Variants in TOP1 observed in about 807,000 individuals in gnomAD.
TOP1 encodes DNA topoisomerase I.
In TOP1, 10 loss-of-function variants were observed where a neutral mutation model predicts 111.1. The ratio of observed to expected loss-of-function variants is 0.09; its 90% confidence interval spans 0.06 to 0.15. The LOEUF (loss-of-function observed/expected upper bound fraction) is 0.15. TOP1 is among the 10% of genes least tolerant of loss of function. TOP1 has a pLI of 1.00. For synonymous variants in TOP1, 271 were observed against 302.9 expected (o/e 0.89, Z 1.10); for missense variants, 474 against 926.7 (o/e 0.51, Z 6.34).
rs118161407 is a variant in TOP1, at chr20:41,112,541, C to G, written c.1309-241C>G. 0.03 allele frequency among the ~76,000 whole-genome samples: 4,504 copies of G among 152,290 alleles called. 92 individuals carry two copies. The highest frequency in any genetic ancestry group is 0.046 in the Non-Finnish European group (3,151 of 68,016). On this transcript the variant is annotated intron_variant, in intron 13 of 20. Transcript: ENST00000361337. The surrounding 1 kb of genome is among the most constrained non-coding windows in gnomAD (Gnocchi z 5.8). ...TCAGTACTATTCTTTTTTACGTTTG[C>G]TTAAGGTCAAGTTCCTGCTCTTTTG...
At chr20:41,096,560 A>G (rs1600586755) in intron 9 of TOP1, among the ~76,000 whole-genome samples, 1 of 152,200 alleles carries the variant, frequency 6.6e-6, no homozygotes, top group East Asian at 1.9e-4. Context: ...CAGTAGGTCT[A>G]GGAGGGGGCC....
intron 4 of TOP1, among the ~76,000 whole-genome samples, chr20:41,076,555 AAATT>A (rs1362200530): frequency 6.6e-6 from 1 of 152,182 alleles, no homozygotes; most frequent in Non-Finnish European, 1.5e-5. Context: ...GCATTAGGGA[AAATT>A]AATTGTTTTT....
chr20:41,098,114 G>C lies in TOP1; in HGVS notation c.853-101G>C. The C allele has an allele frequency of 7.9e-7, 1 of 1,259,832 alleles. No homozygotes were observed. The highest frequency in any genetic ancestry group is 1.1e-6 in the Non-Finnish European group (1 of 879,372). 78.0% of individuals were successfully genotyped at this position (1,259,832 alleles called of 1,614,324 possible). ...AGATTGGCTACTTCCAGAAACCTTT[G>C]ACTGAAAAAATGGTGCTTGGGTGTA... On this transcript the variant is annotated intron_variant, in intron 10 of 20. Transcript: ENST00000361337. This position sits in a 1 kb window ranked among gnomAD's most constrained non-coding sequence, Gnocchi z 5.7.
Position 41,100,430 on chromosome 20 carries a change from A to ATGTT in TOP1, c.1163+188_1163+191dup, listed in dbSNP as rs762672949. The stretch of plus-strand genomic sequence containing the variant: ...TTGTCTCCCCTCATCCACAGGGGAT[A>ATGTT]TGTTCCAAGACCCCCAGTGGATGCC... On this transcript the variant is annotated intron_variant, in intron 12 of 20. Coordinates refer to ENST00000361337, the MANE Select transcript of TOP1 (RefSeq NM_003286.4). This position sits in a 1 kb window ranked among gnomAD's most constrained non-coding sequence, Gnocchi z 4.4. Among the ~76,000 whole-genome samples the ATGTT allele has an allele frequency of 2.0e-5, 3 of 152,158 alleles. No homozygotes were observed. The highest frequency in any genetic ancestry group is 4.4e-5 in the Non-Finnish European group (3 of 68,020).
In TOP1 at chr20:41,092,554, C is replaced by T. The variant is rs776071683; in HGVS notation, c.697C>T (p.Pro233Ser). The T allele has an allele frequency of 1.3e-6, 2 of 1,598,768 alleles. No individual in the cohort carries two copies. Among genetic ancestry groups the T allele is most frequent in the South Asian group, 2.2e-5 (2 of 89,210 alleles). The change falls in exon 9 of 21, where the codon CCT (proline) becomes TCT (serine). Residue 233 changes from proline to serine, a missense_variant. By Grantham distance (74) the Pro-to-Ser change is moderately conservative. Coordinates refer to ENST00000361337, the MANE Select transcript of TOP1 (RefSeq NM_003286.4). This position sits in a 1 kb window ranked among gnomAD's most constrained non-coding sequence, Gnocchi z 4.3. Reference protein sequence around the residue: ...KGPVFAPPYEPLPENVKFYYD... With the variant: ...KGPVFAPPYESLPENVKFYYD... ...TCCAGTATTTGCCCCACCATATGAGCCTCTTCCAGAGAATGTCAAGTTTTA... is the reference window on the plus strand; with the variant it reads ...TCCAGTATTTGCCCCACCATATGAGTCTCTTCCAGAGAATGTCAAGTTTTA...
chr20:41,050,053 T>C (rs1299198047), intron 2 of TOP1, among the ~76,000 whole-genome samples: 1 of 152,246 alleles, frequency 6.6e-6, no homozygotes, highest in African/African-American at 2.4e-5. Flanking sequence ...GTTTCACTCT[T>C]GTTGCTTAGG....
chr20:41,062,949 G>A (rs1342523851), intron 3 of TOP1, among the ~76,000 whole-genome samples: 1 of 151,876 alleles, frequency 6.6e-6, no homozygotes, highest in Non-Finnish European at 1.5e-5. Context: ...TTTTTTTCAG[G>A]TTTTATTTTA....
At position 41,118,027 on chromosome 20, in the gene TOP1, C is replaced by T; in HGVS notation, c.1823-142C>T. On this transcript the variant is annotated intron_variant, in intron 17 of 20. Transcript: ENST00000361337. The surrounding 1 kb of genome is among the most constrained non-coding windows in gnomAD (Gnocchi z 4.6). ...GTTGACTCAAATTTTGACCTTAGTC[C>T]TTGGGGGCAATTTGAATTAATCATC... 1 of 921,756 alleles carries T rather than the reference C, an allele frequency of 1.1e-6. No individual in the cohort carries two copies. The highest frequency in any genetic ancestry group is 1.6e-6 in the Non-Finnish European group (1 of 635,360). 57.1% of individuals were successfully genotyped at this position (921,756 alleles called of 1,614,324 possible).
In TOP1 at chr20:41,121,452, C is replaced by G. The variant is rs2034421314; in HGVS notation, c.1951-244C>G. Among the ~76,000 whole-genome samples the G allele has an allele frequency of 6.6e-6, 1 of 152,238 alleles. No individual in the cohort carries two copies. Among genetic ancestry groups the G allele is most frequent in the African/African-American group, 2.4e-5 (1 of 41,464 alleles). ...TCCCAGCCCCAGCGGGTTCCTTTCC[C>G]TGAGCCCCTAGGTTACTGCCCTGTA... On this transcript the variant is annotated intron_variant, in intron 18 of 20. Transcript: ENST00000361337. This position sits in a 1 kb window ranked among gnomAD's most constrained non-coding sequence, Gnocchi z 4.2.
At chr20:41,036,976 G>A (rs904352532) in intron 2 of TOP1, among the ~76,000 whole-genome samples, 1 of 151,886 alleles carries the variant, frequency 6.6e-6, no homozygotes, top group Non-Finnish European at 1.5e-5. Context: ...GACTACAGGC[G>A]CCCGCCACCA....
chr20:41,101,084 C>T lies in TOP1; in HGVS notation c.1164-125C>T. The T allele has an allele frequency of 1.1e-6, 1 of 934,978 alleles. No individual in the cohort carries two copies. Among genetic ancestry groups the T allele is most frequent in the East Asian group, 2.4e-5 (1 of 40,972 alleles). 57.9% of individuals were successfully genotyped at this position (934,978 alleles called of 1,614,324 possible). ...TAAAACCATGCATAAGGTGGGACTA[C>T]TGTATTGACTGTTAAGAAGGAAACT... On this transcript the variant is annotated intron_variant, in intron 12 of 20. Transcript: ENST00000361337. This position sits in a 1 kb window ranked among gnomAD's most constrained non-coding sequence, Gnocchi z 4.1.
At chr20:41,075,345 G>C (rs904994483) in intron 3 of TOP1, among the ~76,000 whole-genome samples, 2 of 152,094 alleles carry the variant, frequency 1.3e-5, no homozygotes, top group Non-Finnish European at 2.9e-5. Context: ...CTAATTTTTT[G>C]TATTTTTAGT....
In TOP1 at chr20:41,080,987, C is replaced by T. The variant is rs1268120067; in HGVS notation, c.432-178C>T. Reference sequence around the variant, plus strand: ...TCTATATAGGGCTATAACTATTACTCTTTGGTCTGACCTTCATTATTTTCT... The same window carrying T: ...TCTATATAGGGCTATAACTATTACTTTTTGGTCTGACCTTCATTATTTTCT... On this transcript the variant is annotated intron_variant, in intron 6 of 20. Coordinates refer to ENST00000361337, the MANE Select transcript of TOP1 (RefSeq NM_003286.4). This position sits in a 1 kb window ranked among gnomAD's most constrained non-coding sequence, Gnocchi z 5.0. Among the ~76,000 whole-genome samples the T allele has an allele frequency of 6.6e-6, 1 of 151,986 alleles. No homozygotes were observed.
At position 41,112,587 on chromosome 20, in the gene TOP1, C is replaced by G. The variant is rs1203284110; in HGVS notation, c.1309-195C>G. On this transcript the variant is annotated intron_variant, in intron 13 of 20. Coordinates refer to ENST00000361337, the MANE Select transcript of TOP1 (RefSeq NM_003286.4). This position sits in a 1 kb window ranked among gnomAD's most constrained non-coding sequence, Gnocchi z 5.8. Reference sequence around the variant, plus strand: ...TTTTGTTCAAAGTCTTGCTTTGTCACCCATGGTGGAGTGCAGTGGCGTGAT... The same window carrying G: ...TTTTGTTCAAAGTCTTGCTTTGTCAGCCATGGTGGAGTGCAGTGGCGTGAT... 6.6e-6 allele frequency among the ~76,000 whole-genome samples: 1 copy of G among 152,240 alleles called. No homozygotes were observed. The highest frequency in any genetic ancestry group is 1.5e-5 in the Non-Finnish European group (1 of 68,040).
At chr20:41,033,873 C>G (rs1815443552) in intron 2 of TOP1, among the ~76,000 whole-genome samples, 1 of 151,900 alleles carries the variant, frequency 6.6e-6, no homozygotes. Context: ...GAAACTGTGT[C>G]GAACTCCAGT....
rs767062945 is a variant in TOP1 at position 41,113,976 on chromosome 20, C to T, written c.1459C>T (p.Leu487=). ...VALYFIDKLA[L]RAGNEKEEGE... ...TTCTTTCTTTCCTGGGCAGCTTGCT[C>T]TGAGAGCAGGCAATGAAAAGGAGGA... Residue 487 remains leucine (L), a synonymous_variant, in exon 15 of 21, where the codon CTG becomes TTG. Coordinates refer to ENST00000361337, the MANE Select transcript of TOP1 (RefSeq NM_003286.4). The T allele has an allele frequency of 3.1e-6, 5 of 1,612,778 alleles. No individual in the cohort carries two copies. The highest frequency in any genetic ancestry group is 4.2e-6 in the Non-Finnish European group (5 of 1,179,344).
In TOP1 at chr20:41,101,198, G is replaced by A. The variant is rs372817990; in HGVS notation, c.1164-11G>A. On this transcript the variant is annotated splice_polypyrimidine_tract_variant and intron_variant, in intron 12 of 20. Coordinates refer to ENST00000361337, the MANE Select transcript of TOP1 (RefSeq NM_003286.4). This position sits in a 1 kb window ranked among gnomAD's most constrained non-coding sequence, Gnocchi z 4.1. Reference sequence around the variant, plus strand: ...TCTTATTTCACTATCCTCGTGCTCTGTTATTTCCAGAGATGCCAAGGTTCC... The same window carrying A: ...TCTTATTTCACTATCCTCGTGCTCTATTATTTCCAGAGATGCCAAGGTTCC... 7.9e-4 allele frequency: 1,279 copies of A among 1,613,872 alleles called. 17 individuals are homozygous for A. In the South Asian group the frequency reaches 0.013, roughly 17 times the overall value.
At chr20:41,073,128 CTGTT>C (rs1377670050) in intron 3 of TOP1, 2 of 985,116 alleles carry the variant, frequency 2.0e-6, no homozygotes, top group African/African-American at 1.7e-5. Context: ...TCCCTGATCT[CTGTT>C]TGGTGTGATA....
intron 8 of TOP1, among the ~76,000 whole-genome samples, chr20:41,091,964 C>G (rs1246083350): frequency 1.3e-5 from 2 of 152,180 alleles, no homozygotes; most frequent in Admixed American, 6.5e-5. Context: ...CTAGATAGTT[C>G]CAGGTAATGC....
Sources: gnomAD v4.1 joint callset for allele counts (sites outside exome capture counted in the v4.1 genomes callset) on GRCh38, gnomAD v4.1.1 for gene constraint, Gnocchi (gnomAD v3.1) non-coding constraint, MANE v1.5 for transcripts, NCBI Gene and HGNC (gene_info 2026-07-23, HGNC 2026-07-21) for gene names.